Variants in IQCK observed in about 807,000 individuals in gnomAD.
IQCK encodes the protein IQ domain-containing protein K.
IQCK carries 29 observed loss-of-function variants against 28.1 expected under a neutral mutation model. The observed-to-expected ratio is 1.03, with a 90% CI of 0.77 to 1.41. The LOEUF (loss-of-function observed/expected upper bound fraction) is 1.41. IQCK is among the 40% of genes most tolerant of loss of function. The pLI is 0.00. For synonymous variants in IQCK, 113 were observed against 115.1 expected, an observed-to-expected ratio of 0.98 and a Z score of 0.12; for missense variants, 359 against 314.7, an observed-to-expected ratio of 1.14 and a Z score of -1.07.
intron 6 of IQCK, among the ~76,000 whole-genome samples, chr16:19,780,664 A>T (rs866629759): frequency 6.6e-6 from 1 of 152,244 alleles, no homozygotes; most frequent in Non-Finnish European, 1.5e-5. Flanking sequence ...AATGTGGACA[A>T]CAAACCTCAG....
chr16:19,821,791 G>C (rs563369580), intron 7 of IQCK, among the ~76,000 whole-genome samples: 36 of 152,244 alleles, frequency 2.4e-4, no homozygotes, highest in African/African-American at 8.4e-4. Flanking sequence ...GTTCCATTAA[G>C]TGCTGGGCTC....
chr16:19,772,132 G>A (rs904909633), intron 6 of IQCK, among the ~76,000 whole-genome samples: 1 of 152,218 alleles, frequency 6.6e-6, no homozygotes, highest in African/African-American at 2.4e-5. Context: ...GTAGGTACAA[G>A]TGAAAGCATT....
intron 6 of IQCK, among the ~76,000 whole-genome samples, chr16:19,778,179 T>G (rs757692235): frequency 8.5e-5 from 13 of 152,110 alleles, no homozygotes; most frequent in Admixed American, 8.5e-4. Flanking sequence ...TGTAGAAAAT[T>G]ATCGAACTTG....
chr16:19,778,027 C>G (rs946941325), intron 6 of IQCK, among the ~76,000 whole-genome samples: 27 of 151,780 alleles, frequency 1.8e-4, no homozygotes, highest in African/African-American at 6.3e-4. Flanking sequence ...CACTCCAGCC[C>G]GGGTGACAGT....
intron 9 of IQCK, among the ~76,000 whole-genome samples, chr16:19,837,358 G>A (rs1046709985): frequency 7.2e-5 from 11 of 152,240 alleles, no homozygotes; most frequent in Admixed American, 5.2e-4. Context: ...CCATGATCAC[G>A]CTGCTGTACT....
chr16:19,776,040 C>G (rs2055389612), intron 6 of IQCK, among the ~76,000 whole-genome samples: 1 of 151,904 alleles, frequency 6.6e-6, no homozygotes, highest in Non-Finnish European at 1.5e-5. Context: ...AACACCATGC[C>G]TGACTAATTT....
intron 4 of IQCK, among the ~76,000 whole-genome samples, chr16:19,752,699 C>G (rs111326555): frequency 1.7e-4 from 26 of 152,242 alleles, no homozygotes; most frequent in African/African-American, 6.0e-4. Context: ...GTAGCTGGGA[C>G]TATAGGCATA....
chr16:19,803,700 T>C (rs1363602315), intron 7 of IQCK, among the ~76,000 whole-genome samples: 1 of 152,186 alleles, frequency 6.6e-6, no homozygotes, highest in Non-Finnish European at 1.5e-5. Context: ...CTGTACAGGC[T>C]GAAGTGCAGT....
At chr16:19,783,289 G>A (rs1216128827) in intron 6 of IQCK, among the ~76,000 whole-genome samples, 4 of 152,052 alleles carry the variant, frequency 2.6e-5, no homozygotes, top group African/African-American at 7.2e-5. Context: ...GGGAGCCACC[G>A]CGCCTGGCCA....
intron 7 of IQCK, among the ~76,000 whole-genome samples, chr16:19,821,645 G>C (rs1396637019): frequency 2.0e-5 from 3 of 152,172 alleles, no homozygotes; most frequent in Non-Finnish European, 4.4e-5. Context: ...AGTGAGGCGA[G>C]ATCACGCCAC....
rs1226418413 is a variant in IQCK at position 19,825,487 on chromosome 16, TC to T, written c.691-1537del. Among the ~76,000 whole-genome samples the T allele has an allele frequency of 6.6e-6, 1 of 150,734 alleles. No homozygotes were observed. The highest frequency in any genetic ancestry group is 2.5e-5 in the African/African-American group (1 of 40,796). On this transcript the variant is annotated intron_variant, in intron 7 of 7. Transcript: ENST00000564186. This position sits in a 1 kb window ranked among gnomAD's most constrained non-coding sequence, Gnocchi z 4.2. The stretch of plus-strand genomic sequence containing the variant: ...GTGAGCTGAGATTGCACCATTGCAC[TC>T]CAGCCTGGGCAGCAAGAACGAAACT...
chr16:19,763,740 G>C, intron 4 of IQCK, 108 bp from the exon 5 acceptor site: 1 of 846,228 alleles, frequency 1.2e-6, no homozygotes, highest in East Asian at 2.5e-5. Context: ...ACCACACCCA[G>C]CCAGTGTTAA....
chr16:19,858,420 G>A (rs1189364872), exon 10 of IQCK: 2 of 561,158 alleles, frequency 3.6e-6, no homozygotes, highest in African/African-American at 3.8e-5. Flanking sequence ...AGCCATTTGT[G>A]CTGTGCTCAC....
At chr16:19,803,108 A>G (rs1027741599) in intron 7 of IQCK, among the ~76,000 whole-genome samples, 1 of 151,770 alleles carries the variant, frequency 6.6e-6, no homozygotes. Flanking sequence ...TAGGTTTGCT[A>G]TTGTTGGCTT....
intron 6 of IQCK, among the ~76,000 whole-genome samples, chr16:19,764,717 G>A (rs1260380145): frequency 6.9e-6 from 1 of 145,072 alleles, no homozygotes; most frequent in Non-Finnish European, 1.5e-5. Context: ...TTGAGACGGA[G>A]TCTTGCTCTG....
intron 9 of IQCK, among the ~76,000 whole-genome samples, chr16:19,832,638 A>G (rs1226188163): frequency 6.6e-6 from 1 of 152,220 alleles, no homozygotes; most frequent in Admixed American, 6.5e-5. Context: ...GGTGTGCAAC[A>G]TGATGATTTA....
At chr16:19,827,532 C>A (rs538758565), downstream of IQCK, among the ~76,000 whole-genome samples, 1 of 152,250 alleles carries the variant, frequency 6.6e-6, no homozygotes, top group East Asian at 1.9e-4. Context: ...TCCCCTTTTG[C>A]GATGGCTAAT....
In IQCK at chr16:19,757,370, G is replaced by A. The variant is rs117914301; in HGVS notation, c.475-6478G>A. On this transcript the variant is annotated intron_variant, in intron 4 of 7. Transcript: ENST00000564186. ...TACAAAATACTGTCTGGATTGAACC[G>A]CTGTTAATTTCCTCATTTTCGGCTG... Among the ~76,000 whole-genome samples, 423 of 152,222 alleles carry A rather than the reference G, an allele frequency of 2.8e-3. 3 individuals carry two copies. The highest frequency in any genetic ancestry group is 5.1e-3 in the Non-Finnish European group (348 of 68,018).
intron 7 of IQCK, among the ~76,000 whole-genome samples, chr16:19,813,300 A>C (rs2055932062): frequency 6.6e-6 from 1 of 152,230 alleles, no homozygotes; most frequent in Admixed American, 6.5e-5. Context: ...ATTCATAGAG[A>C]TATTGAGTGA....
Sources: gnomAD v4.1 joint callset for allele counts (sites outside exome capture counted in the v4.1 genomes callset) on GRCh38, gnomAD v4.1.1 for gene constraint, Gnocchi (gnomAD v3.1) non-coding constraint, MANE v1.5 for transcripts, NCBI Gene and HGNC (gene_info 2026-07-23, HGNC 2026-07-21) for gene names.